Variants in HK2 observed in about 807,000 individuals in gnomAD.
The protein encoded by HK2 is hexokinase 2.
HK2 carries 42 observed loss-of-function variants against 92.9 expected under a neutral mutation model. That is an observed-to-expected ratio of 0.45 (90% CI 0.35 to 0.58). The LOEUF (loss-of-function observed/expected upper bound fraction) is 0.58, where lower values mean the gene tolerates loss of function less well. HK2 is among the 20% of genes least tolerant of loss of function. The pLI is 0.00. For missense variants in HK2, 978 were observed against 1,245.1 expected (o/e 0.79, Z 3.23); for synonymous variants, 422 against 468.0 (o/e 0.90, Z 1.27).
intron 1 of HK2, among the ~76,000 whole-genome samples, chr2:74,836,412 G>C (rs184639702): frequency 4.9e-4 from 74 of 152,316 alleles, no homozygotes; most frequent in African/African-American, 1.6e-3. Context: ...TGTAATCTCT[G>C]TCTTGTGGTT....
intron 2 of HK2, among the ~76,000 whole-genome samples, chr2:74,860,405 C>A (rs1177690606): frequency 6.6e-6 from 1 of 152,192 alleles, no homozygotes; most frequent in Non-Finnish European, 1.5e-5. Context: ...TGAGCCCCTT[C>A]CCAGTCAATC....
chr2:74,867,594 A>T, intron 2 of HK2, 42 bp from the exon 3 acceptor site: 1 of 1,611,554 alleles, frequency 6.2e-7, no homozygotes, highest in East Asian at 2.2e-5. Context: ...TTCCTGGAAG[A>T]ATTTTGCCCA....
chr2:74,878,710 G>A lies in HK2; in HGVS notation c.1054G>A (p.Ala352Thr), dbSNP rs776263524. 6.2e-6 allele frequency: 10 copies of A among 1,606,574 alleles called. No homozygotes were observed. In the East Asian group the frequency reaches 1.1e-4, roughly 18 times the overall value. ...IEGEKDGIRKAREVLMRLGLD... is the reference protein window; with the variant it reads ...IEGEKDGIRKTREVLMRLGLD... ...CAGGGAGAAGGATGGCATCCGGAAG[G>A]CCCGTGAGGTCCTGATGCGGTTGGG... The change falls in exon 9 of 18, where the codon GCC becomes ACC. Residue 352 changes from alanine (A) to threonine (T), a missense_variant. Transcript: ENST00000290573.
intron 5 of HK2, 104 bp downstream of exon 5, chr2:74,873,475 A>C (rs927953745): frequency 6.5e-6 from 5 of 766,012 alleles, no homozygotes; most frequent in Admixed American, 2.3e-5. Flanking sequence ...CGTGGAGCTT[A>C]AGGAGAGTTC....
At chr2:74,843,341 A>G (rs1688361511) in intron 1 of HK2, among the ~76,000 whole-genome samples, 1 of 152,084 alleles carries the variant, frequency 6.6e-6, no homozygotes, top group African/African-American at 2.4e-5. Context: ...CTGCATGTGC[A>G]ACCCATACCC....
intron 2 of HK2, among the ~76,000 whole-genome samples, chr2:74,855,841 G>A (rs896567593): frequency 5.3e-5 from 8 of 152,114 alleles, no homozygotes; most frequent in African/African-American, 1.2e-4. Flanking sequence ...CAAGGGTGGG[G>A]CCCGGCTGTT....
chr2:74,871,569 G>A (rs2103952741), intron 3 of HK2, among the ~76,000 whole-genome samples: 1 of 152,318 alleles, frequency 6.6e-6, no homozygotes, highest in South Asian at 2.1e-4. Context: ...AGGCTTAGGA[G>A]CTCTGGGTCC....
chr2:74,873,256 A>C lies in HK2; in HGVS notation c.496-20A>C. The C allele has an allele frequency of 6.3e-7, 1 of 1,575,782 alleles. No individual in the cohort carries two copies. On this transcript the variant is annotated intron_variant, in intron 4 of 17. Coordinates refer to ENST00000290573, the MANE Select transcript of HK2 (RefSeq NM_000189.5). ...CAGTTTTAGTGGGAAATCAATATTC[A>C]CTTCTTGGTCCCTTTCCAGAGTTTC...
In HK2 at chr2:74,873,377, T is replaced by TG; in HGVS notation, c.591+10dup. 1 of 1,608,508 alleles carries TG rather than the reference T, an allele frequency of 6.2e-7. No homozygotes were observed. Among genetic ancestry groups the TG allele is most frequent in the South Asian group, 1.1e-5 (1 of 90,962 alleles). On this transcript the variant is annotated splice_region_variant and intron_variant, in intron 5 of 17. Transcript: ENST00000290573. Reference sequence around the variant, plus strand: ...AGGCCATCCAGAGGAGAGGGGTGAGTGGGGTGGCAGGAGCTTGGGGTCTGT... The same window carrying TG: ...AGGCCATCCAGAGGAGAGGGGTGAGTGGGGGTGGCAGGAGCTTGGGGTCTGT...
rs1330966292 is a variant in HK2, at chr2:74,885,568, G to A, written c.1914G>A (p.Lys638=). ...CEGEDVVTLL[K]EAIHRREEFD... ...GCGAGGACGTGGTGACCCTGCTGAA[G>A]GAAGCGATCCACCGGCGAGAGGTAG... is the stretch of plus-strand genomic sequence containing the variant. The change falls in exon 13 of 18, where the codon AAG becomes AAA. Residue 638 remains lysine, a synonymous_variant. Transcript: ENST00000290573. 11 of 1,613,330 alleles carry A rather than the reference G, an allele frequency of 6.8e-6. No homozygotes were observed. Among genetic ancestry groups the A allele is most frequent in the Non-Finnish European group, 8.5e-6 (10 of 1,179,460 alleles).
At chr2:74,857,404 A>G (rs1425955851) in intron 2 of HK2, among the ~76,000 whole-genome samples, 2 of 152,244 alleles carry the variant, frequency 1.3e-5, no homozygotes, top group Admixed American at 6.5e-5. Context: ...GGACATATGT[A>G]TATATGACAA....
At chr2:74,854,805 G>T (rs921977339) in intron 2 of HK2, among the ~76,000 whole-genome samples, 1 of 152,186 alleles carries the variant, frequency 6.6e-6, no homozygotes, top group African/African-American at 2.4e-5. Context: ...CGTACCTCAC[G>T]TGGCCACAAC....
In HK2 at chr2:74,891,021, A is replaced by C; in HGVS notation, c.*80A>C. ...TTATAAGATGTCATCCCCTTGTGTC[A>C]GAGACAGACCCCTTGGCTTTTGCTT... is the stretch of plus-strand genomic sequence containing the variant. On this transcript the variant is annotated 3_prime_UTR_variant, in exon 18 of 18. Coordinates refer to ENST00000290573, the MANE Select transcript of HK2 (RefSeq NM_000189.5). The C allele has an allele frequency of 6.6e-7, 1 of 1,526,098 alleles. No homozygotes were observed. Among genetic ancestry groups the C allele is most frequent in the Admixed American group, 1.9e-5 (1 of 52,908 alleles). The allele number at this position is 1,526,098 out of a possible 1,614,324, so 94.5% of individuals were successfully genotyped here. A position where few individuals can be genotyped will look rare whatever the true frequency, so the allele number is the denominator to read the frequency against.
At chr2:74,867,393 A>G (rs987172490) in intron 2 of HK2, among the ~76,000 whole-genome samples, 2 of 151,308 alleles carry the variant, frequency 1.3e-5, no homozygotes, top group Non-Finnish European at 2.9e-5. Flanking sequence ...GAAGGGAGTG[A>G]GGGATTAAAA....
intron 2 of HK2, among the ~76,000 whole-genome samples, chr2:74,858,816 G>A (rs1688750168): frequency 6.6e-6 from 1 of 152,200 alleles, no homozygotes; most frequent in African/African-American, 2.4e-5. Flanking sequence ...TATTTGTGGT[G>A]GAGGCCTCCC....
chr2:74,847,138 A>G (rs1396911448), intron 1 of HK2, among the ~76,000 whole-genome samples: 1 of 152,184 alleles, frequency 6.6e-6, no homozygotes, highest in South Asian at 2.1e-4. Context: ...CAGCTGTGCC[A>G]CAGGCATCCT....
chr2:74,882,234 G>A lies in HK2; in HGVS notation c.1834G>A (p.Asp612Asn), dbSNP rs1313104016. 1 of 1,614,062 alleles carries A rather than the reference G, an allele frequency of 6.2e-7. No homozygotes were observed. Among genetic ancestry groups the A allele is most frequent in the Non-Finnish European group, 8.5e-7 (1 of 1,179,956 alleles). ...FSFPCQQNSL[D>N]ESILLKWTKG... ...CTTCCCCTGCCAGCAGAACAGCCTG[G>A]ACGAGGTAACAGCACCTTCCTGGAG... Residue 612 changes from aspartate to asparagine, a missense_variant, in exon 12 of 18, where the codon GAC (aspartate) becomes AAC (asparagine). Asp to Asn is a conservative substitution (Grantham distance 23). This residue lies in a region of HK2 where 742 missense variants were observed against 922.5 expected (regional missense o/e 0.80). Transcript: ENST00000290573.
chr2:74,885,673 G>A lies in HK2; in HGVS notation c.1935+84G>A, dbSNP rs1156687235. The stretch of plus-strand genomic sequence containing the variant: ...GTGTGTTCAGAAAGTGAAGGCAACA[G>A]TAAGTGTGGCTGCATGGGTTGGGAG... On this transcript the variant is annotated intron_variant, in intron 13 of 17. Transcript: ENST00000290573. 5.2e-5 allele frequency: 48 copies of A among 929,962 alleles called. 1 individual carries two copies. The highest frequency in any genetic ancestry group is 7.1e-5 in the Non-Finnish European group (40 of 560,162). 57.6% of individuals were successfully genotyped at this position (929,962 alleles called of 1,614,324 possible).
chr2:74,884,112 A>G (rs754478728), intron 12 of HK2, among the ~76,000 whole-genome samples: 40 of 152,330 alleles, frequency 2.6e-4, no homozygotes, highest in Admixed American at 7.8e-4. Context: ...AACAGGTTAT[A>G]TATTTATTTA....
Sources: gnomAD v4.1 joint callset for allele counts (sites outside exome capture counted in the v4.1 genomes callset) on GRCh38, gnomAD v4.1.1 for gene constraint, gnomAD v4.1.1 regional missense constraint, MANE v1.5 for transcripts, NCBI Gene and HGNC (gene_info 2026-07-23, HGNC 2026-07-21) for gene names.